Variants in ABCC4 observed in about 807,000 individuals in gnomAD.
ABCC4 encodes ATP-binding cassette sub-family C member 4.
A neutral mutation model predicts 168.5 loss-of-function variants in ABCC4; 102 were observed. The ratio of observed to expected loss-of-function variants is 0.61; its 90% CI spans 0.52 to 0.71. ABCC4 has a LOEUF of 0.71. Among genes scored for constraint, ABCC4 ranks in the 30% least tolerant of loss-of-function variants. The pLI is 0.00. For synonymous variants in ABCC4, 617 were observed against 590.7 expected, an observed-to-expected ratio of 1.04 and a Z score of -0.65; for missense variants, 1,402 against 1,605.8, an observed-to-expected ratio of 0.87 and a Z score of 2.17.
chr13:95,137,198 C>T (rs971175672), intron 19 of ABCC4, among the ~76,000 whole-genome samples: 28 of 152,320 alleles, frequency 1.8e-4, no homozygotes, highest in Non-Finnish European at 3.2e-4. Context: ...ATAACACTTT[C>T]CAATGATGGA....
rs777242251 is a variant in ABCC4 at position 95,105,633 on chromosome 13, G to A, written c.2535+10289C>T. ...AACCTCATACAACAAAGCCAAACCT[G>A]AAACACAATCAGGTTTCCACCAGGC... On this transcript the variant is annotated intron_variant, in intron 20 of 30. Transcript: ENST00000645237. Among the ~76,000 whole-genome samples the A allele has an allele frequency of 1.8e-4, 27 of 152,126 alleles. 1 individual carries two copies. The highest frequency in any genetic ancestry group is 2.9e-5 in the Non-Finnish European group (2 of 68,036).
At chr13:95,143,624 C>G (rs1485788849) in intron 19 of ABCC4, among the ~76,000 whole-genome samples, 2 of 152,150 alleles carry the variant, frequency 1.3e-5, no homozygotes, top group African/African-American at 4.8e-5. Flanking sequence ...TATTTCCACT[C>G]CCAGTAGGAC....
intron 19 of ABCC4, among the ~76,000 whole-genome samples, chr13:95,155,804 T>C (rs1324864763): frequency 6.6e-6 from 1 of 152,214 alleles, no homozygotes; most frequent in Non-Finnish European, 1.5e-5. Flanking sequence ...CAAGTAAACA[T>C]TTATCTGGCA....
At chr13:95,108,988 T>C (rs896470191) in intron 20 of ABCC4, among the ~76,000 whole-genome samples, 2 of 152,220 alleles carry the variant, frequency 1.3e-5, no homozygotes, top group Non-Finnish European at 2.9e-5. Context: ...TTTCCTTTGC[T>C]GAACACACTA....
intron 26 of ABCC4, among the ~76,000 whole-genome samples, chr13:95,061,405 A>G (rs2033287071): frequency 6.6e-6 from 1 of 152,202 alleles, no homozygotes; most frequent in African/African-American, 2.4e-5. Context: ...GGTCAGTGCT[A>G]GGATAGCCAT....
chr13:95,163,934 C>T (rs147747580), intron 16 of ABCC4, among the ~76,000 whole-genome samples: 30 of 150,912 alleles, frequency 2.0e-4, no homozygotes, highest in Non-Finnish European at 3.4e-4. Flanking sequence ...CCAGCTACTC[C>T]GGAGGCTGAG....
chr13:95,094,526 G>T (rs902159752), intron 20 of ABCC4, among the ~76,000 whole-genome samples: 8 of 152,284 alleles, frequency 5.3e-5, no homozygotes, highest in Admixed American at 3.3e-4. Flanking sequence ...ACTCAAGATG[G>T]ATCAGAGACT....
At chr13:95,035,369 A>G (rs887702400) in intron 29 of ABCC4, among the ~76,000 whole-genome samples, 1 of 152,180 alleles carries the variant, frequency 6.6e-6, no homozygotes, top group Non-Finnish European at 1.5e-5. Flanking sequence ...TCCGAGAGAG[A>G]AAGGCTAGCC....
chr13:95,231,425 C>T (rs1463513328), intron 4 of ABCC4, among the ~76,000 whole-genome samples: 3 of 152,108 alleles, frequency 2.0e-5, no homozygotes, highest in Admixed American at 1.3e-4. Flanking sequence ...TACCAAATGT[C>T]GACGACGGGC....
intron 19 of ABCC4, among the ~76,000 whole-genome samples, chr13:95,149,112 G>A (rs1378488270): frequency 1.3e-5 from 2 of 152,172 alleles, no homozygotes; most frequent in Admixed American, 6.6e-5. Flanking sequence ...TAAAACTGCT[G>A]ATGGCTGGAT....
chr13:95,135,031 T>G (rs759357955), intron 19 of ABCC4, among the ~76,000 whole-genome samples: 2 of 152,170 alleles, frequency 1.3e-5, no homozygotes, highest in Non-Finnish European at 2.9e-5. Context: ...AATTTATATT[T>G]TCATAAGGCA....
chr13:95,151,456 C>A (rs1297711494), intron 19 of ABCC4, among the ~76,000 whole-genome samples: 2 of 125,050 alleles, frequency 1.6e-5, no homozygotes, highest in Non-Finnish European at 3.2e-5. Context: ...GCCTAGGCAA[C>A]AGACCAAGAC....
At position 95,161,308 on chromosome 13, in the gene ABCC4, C is replaced by A; in HGVS notation, c.2336G>T (p.Gly779Val). 1 of 1,591,770 alleles carries A rather than the reference C, an allele frequency of 6.3e-7. No individual in the cohort carries two copies. Among genetic ancestry groups the A allele is most frequent in the South Asian group, 1.2e-5 (1 of 86,288 alleles). The stretch of plus-strand genomic sequence containing the variant: ...GAATACCAATAGAGATCTTGCTATG[C>A]CAAAAAGAACGGTAGCTACAGTTAA... The part of the protein sequence containing the change: ...SGLTVATVLF[G>V]IARSLLVFYV... The change falls in exon 19 of 31, where the codon GGC (glycine) becomes GTC (valine). Residue 779 changes from glycine to valine, a missense_variant. Around this residue, in one of 3 missense-constraint regions of ABCC4, gnomAD observed 1,007 missense variants for 1,127.3 expected, o/e 0.89. Transcript: ENST00000645237.
intron 3 of ABCC4, among the ~76,000 whole-genome samples, chr13:95,245,171 T>G (rs1056326297): frequency 6.6e-6 from 1 of 152,240 alleles, no homozygotes; most frequent in Non-Finnish European, 1.5e-5. Context: ...CATGACAGCA[T>G]GGACAGCCCT....
intron 4 of ABCC4, among the ~76,000 whole-genome samples, chr13:95,212,393 G>A (rs963833033): frequency 6.6e-6 from 1 of 152,098 alleles, no homozygotes. Context: ...AATCCCACAT[G>A]CAGAAAATAC....
At position 95,043,784 on chromosome 13, in the gene ABCC4, A is replaced by G; in HGVS notation, c.3633T>C (p.Thr1211=). Residue 1211 remains threonine (T), a synonymous_variant, in exon 29 of 31, where the codon ACT becomes ACC. Transcript: ENST00000645237. ...DEATANVDPR[T]DELIQKKIRE... ...GGATTTTTTTTTGTATTAACTCATC[A>G]GTTCTGCAATCAAAGAAGTTAAGTT... 6.2e-7 allele frequency: 1 copy of G among 1,610,498 alleles called. No homozygotes were observed. Among genetic ancestry groups the G allele is most frequent in the African/African-American group, 1.3e-5 (1 of 74,932 alleles).
intron 3 of ABCC4, among the ~76,000 whole-genome samples, chr13:95,236,588 ACG>A (rs931391552): frequency 4.8e-5 from 2 of 41,818 alleles, no homozygotes; most frequent in African/African-American, 1.8e-4. Flanking sequence ...CGGCATGTGA[ACG>A]CGCGCGTGCG....
intron 1 of ABCC4, among the ~76,000 whole-genome samples, chr13:95,249,490 G>T (rs1330917927): frequency 6.6e-6 from 1 of 152,052 alleles, no homozygotes; most frequent in Admixed American, 6.6e-5. Flanking sequence ...ACACTGCAGG[G>T]GTATCCAAGT....
intron 4 of ABCC4, among the ~76,000 whole-genome samples, chr13:95,221,707 A>T (rs1012100497): frequency 6.6e-6 from 1 of 152,166 alleles, no homozygotes; most frequent in Non-Finnish European, 1.5e-5. Context: ...CAATGAAAAA[A>T]TGTAAAAATT....
Sources: allele counts gnomAD v4.1 joint callset (sites outside exome capture counted in the v4.1 genomes callset), GRCh38; gene constraint gnomAD v4.1.1; regional missense constraint gnomAD v4.1.1; transcripts MANE v1.5; gene names NCBI Gene and HGNC (gene_info 2026-07-23, HGNC 2026-07-21).